The following GRID2 variants were observed in gnomAD, a reference collection of about 807,000 sequenced individuals.
GRID2 encodes glutamate receptor ionotropic, delta-2.
A neutral mutation model predicts 114.8 loss-of-function variants in GRID2; 33 were observed. That is an observed-to-expected ratio of 0.29 (90% confidence interval 0.22 to 0.38). The LOEUF (loss-of-function observed/expected upper bound fraction) is 0.38, where lower values mean the gene tolerates loss of function less well. Ranked by LOEUF, GRID2 falls within the 10% of genes least tolerant of loss-of-function variation. GRID2 has a pLI of 1.00. For synonymous variants in GRID2, 505 were observed against 449.9 expected (o/e 1.12, Z -1.55); for missense variants, 1,184 against 1,257.7 (o/e 0.94, Z 0.89).
chr4:92,439,325 C>T (rs1732899038), intron 1 of GRID2, among the ~76,000 whole-genome samples: 1 of 152,090 alleles, frequency 6.6e-6, no homozygotes, highest in Non-Finnish European at 1.5e-5. Context: ...TGTGATTCTT[C>T]AGTTACTTCA....
In GRID2 at chr4:93,619,772, A is replaced by AT. The variant is rs147656678; in HGVS notation, c.2194-6488dup. On this transcript the variant is annotated intron_variant, in intron 13 of 15. Transcript: ENST00000282020. The stretch of plus-strand genomic sequence containing the variant: ...AAGCAACCTTTTTCTTAAAAGCCCA[A>AT]TTTTTTTTTACCTTAATACCGTGAT... 6.4e-3 allele frequency among the ~76,000 whole-genome samples: 972 copies of AT among 151,588 alleles called. 14 individuals carry two copies. Among genetic ancestry groups the AT allele is most frequent in the African/African-American group, 0.022 (897 of 41,366 alleles).
At chr4:93,525,194 T>A (rs981932806) in intron 13 of GRID2, among the ~76,000 whole-genome samples, 1 of 152,002 alleles carries the variant, frequency 6.6e-6, no homozygotes, top group East Asian at 1.9e-4. Flanking sequence ...GCCTGAAGGA[T>A]GAGGCTACTT....
intron 2 of GRID2, among the ~76,000 whole-genome samples, chr4:92,911,644 A>G (rs1748390169): frequency 6.6e-6 from 1 of 151,926 alleles, no homozygotes; most frequent in Non-Finnish European, 1.5e-5. Context: ...AAGAAAATAT[A>G]TTGTGGAAAT....
At chr4:92,927,824 T>C (rs532902919) in intron 2 of GRID2, among the ~76,000 whole-genome samples, 14 of 151,846 alleles carry the variant, frequency 9.2e-5, no homozygotes, top group Non-Finnish European at 1.9e-4. Context: ...ATGATGAGGA[T>C]TAATTGAAAA....
intron 1 of GRID2, among the ~76,000 whole-genome samples, chr4:92,391,540 C>A (rs908667714): frequency 3.3e-5 from 5 of 151,874 alleles, no homozygotes; most frequent in African/African-American, 4.8e-5. Context: ...GTAAAAAAAA[C>A]CATTCAACAT....
intron 2 of GRID2, among the ~76,000 whole-genome samples, chr4:92,768,014 T>C (rs1203383205): frequency 6.6e-6 from 1 of 152,088 alleles, no homozygotes; most frequent in African/African-American, 2.4e-5. Context: ...TTATATCTGT[T>C]ATTTGTGTAC....
intron 2 of GRID2, among the ~76,000 whole-genome samples, chr4:92,743,502 G>T (rs1482653391): frequency 6.6e-6 from 1 of 152,130 alleles, no homozygotes; most frequent in Non-Finnish European, 1.5e-5. Flanking sequence ...AAGTACATGA[G>T]GAAGAGGACA....
intron 4 of GRID2, among the ~76,000 whole-genome samples, chr4:93,195,457 C>G (rs1323778427): frequency 2.0e-5 from 3 of 151,960 alleles, no homozygotes; most frequent in Non-Finnish European, 2.9e-5. Context: ...TACTTACTTC[C>G]AGCTCCACTG....
At chr4:93,595,368 C>A (rs914727376) in intron 13 of GRID2, among the ~76,000 whole-genome samples, 1 of 152,114 alleles carries the variant, frequency 6.6e-6, no homozygotes, top group Non-Finnish European at 1.5e-5. Context: ...CACAACTAGA[C>A]CAAGTTCTGA....
In GRID2 at chr4:92,442,471, G is replaced by A. The variant is rs568281631; in HGVS notation, c.88+137727G>A. On this transcript the variant is annotated intron_variant, in intron 1 of 15. Transcript: ENST00000282020. ...TTCTGGAGGAACGCCTGGCCGCTGC[G>A]GTTCAGGCGTTTGGAAGTTCTTGTG... 8.7e-4 allele frequency among the ~76,000 whole-genome samples: 133 copies of A among 152,186 alleles called. 1 individual carries two copies. The South Asian group carries it at 0.014, about 16-fold the overall frequency.
chr4:92,632,255 A>G (rs1730844427), intron 2 of GRID2, among the ~76,000 whole-genome samples: 1 of 152,170 alleles, frequency 6.6e-6, no homozygotes, highest in Non-Finnish European at 1.5e-5. Context: ...AATTCTTTAA[A>G]AGGGCATCAG....
chr4:93,164,435 C>T (rs756506791), intron 4 of GRID2, among the ~76,000 whole-genome samples: 1 of 151,964 alleles, frequency 6.6e-6, no homozygotes, highest in Non-Finnish European at 1.5e-5. Context: ...AGGCTCATTC[C>T]TGGGAATAAT....
At chr4:93,794,603 C>T (rs562166360) in intron 1 of GRID2, among the ~76,000 whole-genome samples, 114 of 152,276 alleles carry the variant, frequency 7.5e-4, no homozygotes, top group Admixed American at 1.4e-3. Flanking sequence ...TCTCGGCGAG[C>T]CTTTCTCAAA....
At chr4:92,675,673 C>T (rs900091911) in intron 2 of GRID2, among the ~76,000 whole-genome samples, 2 of 151,830 alleles carry the variant, frequency 1.3e-5, no homozygotes, top group African/African-American at 4.8e-5. Flanking sequence ...GCTTCAGCCT[C>T]CCAAGTAGCT....
chr4:93,353,662 A>C (rs1761023368), intron 8 of GRID2, among the ~76,000 whole-genome samples: 1 of 152,086 alleles, frequency 6.6e-6, no homozygotes, highest in African/African-American at 2.4e-5. Context: ...ACACCTAAAA[A>C]AATTGACAGT....
At chr4:93,794,498 G>T (rs1329370743) in intron 1 of GRID2, among the ~76,000 whole-genome samples, 1 of 152,108 alleles carries the variant, frequency 6.6e-6, no homozygotes, top group Non-Finnish European at 1.5e-5. Context: ...AGGCGCCACG[G>T]CACCTCCACA....
chr4:93,222,175 A>G (rs1163248416), intron 6 of GRID2, among the ~76,000 whole-genome samples: 1 of 152,316 alleles, frequency 6.6e-6, no homozygotes, highest in Admixed American at 6.5e-5. Flanking sequence ...GAAAAGATGT[A>G]CAGTATGAGT....
intron 2 of GRID2, among the ~76,000 whole-genome samples, chr4:93,082,484 T>C (rs2149319095): frequency 6.6e-6 from 1 of 152,246 alleles, no homozygotes; most frequent in East Asian, 1.9e-4. Context: ...GCCACCACTC[T>C]CCCACTCTCT....
chr4:92,987,460 G>GA (rs1472110464), intron 2 of GRID2, among the ~76,000 whole-genome samples: 1 of 152,122 alleles, frequency 6.6e-6, no homozygotes. Context: ...GAGGAGGGGA[G>GA]AGGGATAGCA....
Sources: allele counts gnomAD v4.1 joint callset (sites outside exome capture counted in the v4.1 genomes callset), GRCh38; gene constraint gnomAD v4.1.1; transcripts MANE v1.5; gene names NCBI Gene and HGNC (gene_info 2026-07-23, HGNC 2026-07-21).